RGS6: variants seen among roughly 807,000 people sequenced by gnomAD.
RGS6 encodes regulator of G-protein signaling 6.
Under a neutral mutation model 78.5 loss-of-function variants are expected in RGS6, and 30 were observed. That is an observed-to-expected ratio of 0.38 (90% CI 0.29 to 0.52). The LOEUF (loss-of-function observed/expected upper bound fraction) is 0.52, where lower values mean the gene tolerates loss of function less well. RGS6 is among the 20% of genes least tolerant of loss of function. The pLI is 0.85. For synonymous variants in RGS6, 206 were observed against 206.0 expected, an observed-to-expected ratio of 1.00 and a Z score of 0.00; for missense variants, 495 against 609.7, an observed-to-expected ratio of 0.81 and a Z score of 1.98.
At chr14:72,128,415 T>C (rs1218850579) in intron 2 of RGS6, among the ~76,000 whole-genome samples, 1 of 152,228 alleles carries the variant, frequency 6.6e-6, no homozygotes, top group African/African-American at 2.4e-5. Context: ...ATTGTGTTCA[T>C]GTTTGCATTT....
chr14:72,176,671 A>G (rs2097108741), intron 2 of RGS6, among the ~76,000 whole-genome samples: 2 of 152,070 alleles, frequency 1.3e-5, no homozygotes, highest in Admixed American at 1.3e-4. Context: ...GTGAACAGTG[A>G]TGAGTTCATG....
intron 2 of RGS6, among the ~76,000 whole-genome samples, chr14:72,105,413 A>G (rs1349003211): frequency 1.3e-5 from 2 of 152,120 alleles, no homozygotes; most frequent in Non-Finnish European, 2.9e-5. Context: ...TCCTTTTTGT[A>G]CTTTTCATAC....
intron 1 of RGS6, among the ~76,000 whole-genome samples, chr14:71,963,917 C>A (rs895636808): frequency 1.3e-5 from 2 of 152,082 alleles, no homozygotes; most frequent in African/African-American, 4.8e-5. Context: ...CTGTGTTCAA[C>A]TTTTTTGAGG....
chr14:71,931,008 AAAAAAAAAAGC>A (rs2087817383), upstream of RGS6, among the ~76,000 whole-genome samples: 1 of 146,306 alleles, frequency 6.8e-6, no homozygotes, highest in Non-Finnish European at 1.5e-5. Flanking sequence ...AAAAAAAAAA[AAAAAAAAAAGC>A]AGAGCTCCTC....
At chr14:72,551,514 C>T (rs2097506433) in intron 17 of RGS6, among the ~76,000 whole-genome samples, 1 of 152,176 alleles carries the variant, frequency 6.6e-6, no homozygotes, top group South Asian at 2.1e-4. Flanking sequence ...GGACATTTCC[C>T]CCAACTGCAT....
At chr14:72,561,839 C>A (rs1461223931) in intron 17 of RGS6, among the ~76,000 whole-genome samples, 1 of 152,190 alleles carries the variant, frequency 6.6e-6, no homozygotes, top group Admixed American at 6.5e-5. Context: ...TACAGTGGCT[C>A]TGAGCCCCAG....
intron 3 of RGS6, among the ~76,000 whole-genome samples, chr14:72,442,655 G>T (rs1386112425): frequency 1.3e-5 from 2 of 152,174 alleles, no homozygotes; most frequent in African/African-American, 4.8e-5. Context: ...ACAGGACATA[G>T]GACTGAACAT....
intron 2 of RGS6, among the ~76,000 whole-genome samples, chr14:72,142,013 C>T (rs1189924704): frequency 6.6e-6 from 1 of 152,076 alleles, no homozygotes; most frequent in African/African-American, 2.4e-5. Context: ...TTGAGGCTTA[C>T]TGTTTACCTC....
At chr14:72,417,063 G>A (rs181086327) in intron 3 of RGS6, among the ~76,000 whole-genome samples, 1 of 152,264 alleles carries the variant, frequency 6.6e-6, no homozygotes, top group African/African-American at 2.4e-5. Context: ...GCAGGTCAGT[G>A]GAACGTCACC....
At chr14:72,195,207 CAA>C (rs539081840) in intron 2 of RGS6, among the ~76,000 whole-genome samples, 2 of 138,662 alleles carry the variant, frequency 1.4e-5, no homozygotes. Context: ...AACTCCATCT[CAA>C]AAAAAAAAAA....
At chr14:71,976,418 C>T (rs1363359000) in intron 2 of RGS6, among the ~76,000 whole-genome samples, 1 of 131,194 alleles carries the variant, frequency 7.6e-6, no homozygotes, top group Non-Finnish European at 1.6e-5. Context: ...CCCCTCCCCC[C>T]ACCCCACAAC....
At chr14:72,404,550 C>G (rs946821859) in intron 3 of RGS6, among the ~76,000 whole-genome samples, 2 of 152,194 alleles carry the variant, frequency 1.3e-5, no homozygotes, top group African/African-American at 4.8e-5. Context: ...TGCCAGCAGC[C>G]CTGCATGCTT....
intron 3 of RGS6, among the ~76,000 whole-genome samples, chr14:72,417,736 T>TG (rs2093925843): frequency 6.6e-6 from 1 of 152,242 alleles, no homozygotes; most frequent in South Asian, 2.1e-4. Flanking sequence ...GGAGTTGTTC[T>TG]GGGGCTTAAA....
intron 2 of RGS6, among the ~76,000 whole-genome samples, chr14:72,051,139 CA>C (rs1185528369): frequency 6.6e-6 from 1 of 152,080 alleles, no homozygotes; most frequent in Non-Finnish European, 1.5e-5. Context: ...GAGAAGACAA[CA>C]GCCTCAAATG....
At chr14:72,366,476 T>C (rs2082467431) in intron 3 of RGS6, among the ~76,000 whole-genome samples, 1 of 151,954 alleles carries the variant, frequency 6.6e-6, no homozygotes. Flanking sequence ...TGAGCAAAAA[T>C]AGAGAATTGG....
chr14:72,062,219 A>T (rs1277972104), intron 2 of RGS6, among the ~76,000 whole-genome samples: 1 of 152,252 alleles, frequency 6.6e-6, no homozygotes, highest in Non-Finnish European at 1.5e-5. Flanking sequence ...AGTGGCATAA[A>T]TAGCCATTTC....
the RGS6 span, among the ~76,000 whole-genome samples, chr14:71,884,615 C>G: frequency 6.6e-6 from 1 of 152,046 alleles, no homozygotes; most frequent in Non-Finnish European, 1.5e-5. Context: ...CTTTTTGTCT[C>G]GGGAAAGTGA....
chr14:72,177,105 C>A (rs576986129), intron 2 of RGS6, among the ~76,000 whole-genome samples: 1 of 152,118 alleles, frequency 6.6e-6, no homozygotes, highest in South Asian at 2.1e-4. Context: ...CATGAATAAA[C>A]CACAATTTGT....
chr14:72,094,444 A>G (rs879910735), intron 2 of RGS6, among the ~76,000 whole-genome samples: 6 of 152,192 alleles, frequency 3.9e-5, no homozygotes, highest in African/African-American at 7.2e-5. Context: ...TTCAGAGACA[A>G]ATGACCTTGC....
Sources: gnomAD v4.1 joint callset for allele counts (sites outside exome capture counted in the v4.1 genomes callset) on GRCh38, gnomAD v4.1.1 for gene constraint, MANE v1.5 for transcripts, NCBI Gene and HGNC (gene_info 2026-07-23, HGNC 2026-07-21) for gene names.